The following TMEM132B variants were observed in gnomAD, a reference collection of about 807,000 sequenced individuals.
TMEM132B encodes the protein transmembrane protein 132B.
TMEM132B carries 18 observed loss-of-function variants against 90.8 expected under a neutral mutation model. The ratio of observed to expected loss-of-function variants is 0.20; its 90% CI spans 0.14 to 0.29. The LOEUF (loss-of-function observed/expected upper bound fraction) is 0.29, where lower values mean the gene tolerates loss of function less well. Among genes scored for constraint, TMEM132B ranks in the 10% least tolerant of loss-of-function variants. The pLI, the probability that TMEM132B is intolerant of heterozygous loss-of-function variation, is 1.00. For missense variants in TMEM132B, 1,096 were observed against 1,326.8 expected (o/e 0.83, Z 2.70); for synonymous variants, 504 against 523.3 (o/e 0.96, Z 0.50).
At chr12:125,299,759 A>G (rs1875770859) in intron 1 of TMEM132B, among the ~76,000 whole-genome samples, 1 of 151,916 alleles carries the variant, frequency 6.6e-6, no homozygotes, top group Non-Finnish European at 1.5e-5. Flanking sequence ...TCTTCCTCCA[A>G]AGGATGCCCA....
At chr12:125,632,803 T>C (rs972437543) in intron 5 of TMEM132B, among the ~76,000 whole-genome samples, 1 of 152,190 alleles carries the variant, frequency 6.6e-6, no homozygotes, top group Non-Finnish European at 1.5e-5. Flanking sequence ...GTTTCTTTTC[T>C]CTTGCTATTT....
At chr12:125,529,961 C>T (rs1273114474) in intron 4 of TMEM132B, among the ~76,000 whole-genome samples, 1 of 152,130 alleles carries the variant, frequency 6.6e-6, no homozygotes, top group Non-Finnish European at 1.5e-5. Flanking sequence ...CGCAGGAGTT[C>T]AAGGCTGCAG....
intron 2 of TMEM132B, among the ~76,000 whole-genome samples, chr12:125,396,425 A>G (rs77842504): frequency 6.6e-6 from 1 of 152,202 alleles, no homozygotes; most frequent in Non-Finnish European, 1.5e-5. Context: ...TACTAATTAT[A>G]TGCCAGGCTC....
intron 3 of TMEM132B, among the ~76,000 whole-genome samples, chr12:125,420,060 G>T (rs1454190604): frequency 6.6e-6 from 1 of 152,198 alleles, no homozygotes; most frequent in Non-Finnish European, 1.5e-5. Context: ...CCCCTTCCTG[G>T]CTACTTTCAT....
intron 5 of TMEM132B, among the ~76,000 whole-genome samples, chr12:125,599,948 C>G (rs996237915): frequency 2.6e-5 from 4 of 152,118 alleles, no homozygotes; most frequent in Non-Finnish European, 5.9e-5. Flanking sequence ...AAGCACAGCT[C>G]TCTGGCAGAG....
intron 3 of TMEM132B, among the ~76,000 whole-genome samples, chr12:125,509,346 G>A (rs1051527741): frequency 3.3e-5 from 5 of 152,164 alleles, no homozygotes; most frequent in Non-Finnish European, 5.9e-5. Context: ...ACTTCTCTGC[G>A]CATGCAGGAG....
intron 1 of TMEM132B, among the ~76,000 whole-genome samples, chr12:125,194,223 T>C (rs1445064884): frequency 6.7e-6 from 1 of 149,644 alleles, no homozygotes; most frequent in Non-Finnish European, 1.5e-5. Context: ...TTACTGAGGG[T>C]GATAGAGTTG....
chr12:125,360,417 A>T (rs77225554), intron 2 of TMEM132B, among the ~76,000 whole-genome samples: 11,645 of 152,294 alleles, frequency 0.076, 543 homozygotes, highest in Admixed American at 0.14. Context: ...TAAATGAAAC[A>T]AATTTTAATT....
chr12:125,597,922 C>A (rs1885480018), intron 5 of TMEM132B, among the ~76,000 whole-genome samples: 1 of 152,154 alleles, frequency 6.6e-6, no homozygotes, highest in Non-Finnish European at 1.5e-5. Context: ...CTGTATTTTC[C>A]TGTGTGCTGC....
At chr12:125,348,293 T>C (rs1162603395) in intron 1 of TMEM132B, among the ~76,000 whole-genome samples, 1 of 152,170 alleles carries the variant, frequency 6.6e-6, no homozygotes, top group Non-Finnish European at 1.5e-5. Flanking sequence ...TGACAGCACA[T>C]TTCTGTGTGC....
At chr12:125,297,638 G>T (rs1875705066) in intron 1 of TMEM132B, among the ~76,000 whole-genome samples, 2 of 152,218 alleles carry the variant, frequency 1.3e-5, no homozygotes, top group Admixed American at 1.3e-4. Context: ...CAAGAATTGA[G>T]ATGCTCAAGG....
intron 4 of TMEM132B, among the ~76,000 whole-genome samples, chr12:125,547,280 C>T (rs144050403): frequency 3.7e-4 from 57 of 152,296 alleles, no homozygotes; most frequent in Non-Finnish European, 7.2e-4. Context: ...GTTCCAGGTG[C>T]TATACATCTT....
chr12:125,611,664 T>A (rs973786750), intron 5 of TMEM132B, among the ~76,000 whole-genome samples: 10 of 152,264 alleles, frequency 6.6e-5, no homozygotes, highest in Admixed American at 4.6e-4. Context: ...ATTGGCTGAC[T>A]GATTGGTTAT....
chr12:125,379,315 G>A (rs1007699395), intron 2 of TMEM132B, among the ~76,000 whole-genome samples: 2 of 152,148 alleles, frequency 1.3e-5, no homozygotes, highest in Non-Finnish European at 2.9e-5. Flanking sequence ...TCAATGGGAC[G>A]AGGGAAGCAG....
In TMEM132B at chr12:125,656,695, G is replaced by C. The variant is rs1022092295; in HGVS notation, c.*1985G>C. On this transcript the variant is annotated 3_prime_UTR_variant, in exon 9 of 9. Coordinates refer to ENST00000682704, the MANE Select transcript of TMEM132B (RefSeq NM_001366854.1). ...ACTTTATGGGAAGATTCCTCAGTCA[G>C]CCAAAAGCTTTTCAAAGAGTTTGGT... is the stretch of plus-strand genomic sequence containing the variant. The C allele has an allele frequency of 1.3e-5, 2 of 152,266 alleles. No individual in the cohort carries two copies. Among genetic ancestry groups the C allele is most frequent in the African/African-American group, 4.8e-5 (2 of 41,456 alleles). 9.4% of individuals were successfully genotyped at this position (152,266 alleles called of 1,614,324 possible).
At chr12:125,239,743 C>G (rs369629892) in intron 1 of TMEM132B, among the ~76,000 whole-genome samples, 2 of 152,204 alleles carry the variant, frequency 1.3e-5, no homozygotes, top group Non-Finnish European at 2.9e-5. Flanking sequence ...TCCCGGCGAG[C>G]GCTGCCGTGG....
intron 2 of TMEM132B, among the ~76,000 whole-genome samples, chr12:125,389,099 G>A (rs570898892): frequency 1.3e-5 from 2 of 151,778 alleles, no homozygotes; most frequent in Non-Finnish European, 2.9e-5. Flanking sequence ...ATTGGGTGTT[G>A]AGGATACAGC....
intron 5 of TMEM132B, 110 bp downstream of exon 5, chr12:125,584,104 G>A (rs1380635494): frequency 6.5e-7 from 1 of 1,526,798 alleles, no homozygotes; most frequent in East Asian, 2.3e-5. Context: ...CTAAAGGGCT[G>A]GAGGCCAGAA....
chr12:125,248,701 A>AT (rs1277269624), intron 1 of TMEM132B, among the ~76,000 whole-genome samples: 1 of 152,074 alleles, frequency 6.6e-6, no homozygotes, highest in African/African-American at 2.4e-5. Flanking sequence ...TTAGGCTAGC[A>AT]TTTTTTGTGG....
Sources: gnomAD v4.1 joint callset for allele counts (sites outside exome capture counted in the v4.1 genomes callset) on GRCh38, gnomAD v4.1.1 for gene constraint, MANE v1.5 for transcripts, NCBI Gene and HGNC (gene_info 2026-07-23, HGNC 2026-07-21) for gene names.